Variants in CDH13 observed in about 807,000 individuals in gnomAD.
CDH13 encodes the protein cadherin-13.
A neutral mutation model predicts 63.8 loss-of-function variants in CDH13; 24 were observed. The observed-to-expected ratio is 0.38, with a 90% CI of 0.27 to 0.53. The LOEUF (loss-of-function observed/expected upper bound fraction) is 0.53. Among genes scored for constraint, CDH13 ranks in the 20% least tolerant of loss-of-function variants. CDH13 has a pLI of 0.85. For missense variants in CDH13, 1,049 were observed against 903.1 expected, an observed-to-expected ratio of 1.16 and a Z score of -2.07; for synonymous variants, 503 against 355.3, an observed-to-expected ratio of 1.42 and a Z score of -4.67.
At chr16:82,918,815 A>T (rs2042071702) in intron 2 of CDH13, among the ~76,000 whole-genome samples, 1 of 152,126 alleles carries the variant, frequency 6.6e-6, no homozygotes, top group Admixed American at 6.5e-5. Flanking sequence ...CCTGGCCCAC[A>T]CTGTAACTTT....
chr16:82,943,172 CT>C (rs1332708891), intron 2 of CDH13, among the ~76,000 whole-genome samples: 1 of 152,176 alleles, frequency 6.6e-6, no homozygotes, highest in Non-Finnish European at 1.5e-5. Context: ...CTCCCACTTA[CT>C]GAGCTTCCAT....
chr16:83,383,927 A>G (rs1246432393), intron 6 of CDH13, among the ~76,000 whole-genome samples: 4 of 152,178 alleles, frequency 2.6e-5, no homozygotes, highest in East Asian at 1.9e-4. Flanking sequence ...CAGCAGACAG[A>G]GCAATGATAC....
intron 4 of CDH13, among the ~76,000 whole-genome samples, chr16:83,169,682 A>G (rs1321007168): frequency 1.3e-5 from 2 of 152,012 alleles, no homozygotes; most frequent in Non-Finnish European, 2.9e-5. Flanking sequence ...TATTGTGGAT[A>G]TTAATCTCTT....
Position 83,795,853 on chromosome 16 carries a change from A to C in CDH13, c.*823A>C, listed in dbSNP as rs918364842. On this transcript the variant is annotated 3_prime_UTR_variant, in exon 14 of 14. Transcript: ENST00000567109. ...GTGTCCCGAATCCACAGTCGTACTG[A>C]TTCTAATGGGGACACAGATCATGGT... The C allele has an allele frequency of 2.0e-5, 3 of 152,560 alleles. No homozygotes were observed. Among genetic ancestry groups the C allele is most frequent in the African/African-American group, 4.8e-5 (2 of 41,400 alleles). The allele number at this position is 152,560 out of a possible 1,614,324, so 9.5% of individuals were successfully genotyped here.
At chr16:83,238,310 C>A (rs1447219130) in intron 5 of CDH13, among the ~76,000 whole-genome samples, 4 of 152,264 alleles carry the variant, frequency 2.6e-5, no homozygotes, top group Non-Finnish European at 4.4e-5. Context: ...AACAAAGGCA[C>A]ATCTTACATG....
At chr16:82,842,091 C>CATATAT (rs1186963516) in intron 1 of CDH13, among the ~76,000 whole-genome samples, 6 of 41,684 alleles carry the variant, frequency 1.4e-4, no homozygotes, top group Admixed American at 3.2e-4. Context: ...TTGCATTCTA[C>CATATAT]ATATATATAT....
intron 4 of CDH13, among the ~76,000 whole-genome samples, chr16:83,165,621 T>G (rs1217965352): frequency 2.0e-5 from 3 of 152,002 alleles, no homozygotes; most frequent in Non-Finnish European, 4.4e-5. Context: ...CTGGAATTGA[T>G]GACCTCAGCA....
At chr16:83,375,461 G>A (rs958483083) in intron 6 of CDH13, among the ~76,000 whole-genome samples, 1 of 152,146 alleles carries the variant, frequency 6.6e-6, no homozygotes, top group African/African-American at 2.4e-5. Flanking sequence ...CATCTTATGA[G>A]TATCTGTTGT....
intron 6 of CDH13, among the ~76,000 whole-genome samples, chr16:83,401,895 C>G (rs990084109): frequency 3.9e-5 from 6 of 152,204 alleles, no homozygotes; most frequent in African/African-American, 1.2e-4. Flanking sequence ...TTAATCTGCA[C>G]TGAATATATT....
chr16:83,658,703 T>A (rs1913129714), intron 8 of CDH13, among the ~76,000 whole-genome samples: 1 of 147,886 alleles, frequency 6.8e-6, no homozygotes, highest in African/African-American at 2.5e-5. Flanking sequence ...AGGTCCCATA[T>A]CCTCACCAGC....
intron 3 of CDH13, among the ~76,000 whole-genome samples, chr16:83,083,774 G>A (rs1220264115): frequency 6.6e-6 from 1 of 152,210 alleles, no homozygotes; most frequent in Non-Finnish European, 1.5e-5. Flanking sequence ...CAGCTCACTA[G>A]TTGTTTAACA....
chr16:83,699,983 T>C (rs745693844), intron 10 of CDH13, among the ~76,000 whole-genome samples: 2 of 152,174 alleles, frequency 1.3e-5, no homozygotes, highest in Non-Finnish European at 2.9e-5. Flanking sequence ...TTCTGACATA[T>C]GTGCACTCCC....
At chr16:83,705,629 A>T (rs1432903058) in intron 10 of CDH13, among the ~76,000 whole-genome samples, 1 of 152,220 alleles carries the variant, frequency 6.6e-6, no homozygotes, top group Non-Finnish European at 1.5e-5. Context: ...CTCAAAAGAA[A>T]AGAAAAAGAA....
rs1196838987 is a variant in CDH13, at chr16:83,500,690, A to T, written c.960+14035A>T. 4.7e-5 allele frequency among the ~76,000 whole-genome samples: 7 copies of T among 147,928 alleles called. No individual in the cohort carries two copies. In the Admixed American group the frequency reaches 4.8e-4, roughly 10 times the overall value. ...TGGATTCAAGCAATTCTCGCACCTC[A>T]GCCTCCTGAGTAGCTGGGATTACAG... On this transcript the variant is annotated intron_variant, in intron 7 of 13. Coordinates refer to ENST00000567109, the MANE Select transcript of CDH13 (RefSeq NM_001257.5).
At chr16:83,016,022 C>T (rs983100496) in intron 2 of CDH13, among the ~76,000 whole-genome samples, 2 of 151,930 alleles carry the variant, frequency 1.3e-5, no homozygotes, top group Non-Finnish European at 2.9e-5. Context: ...GTGGAGAAAT[C>T]ACAGAAAAAT....
chr16:82,674,017 G>T (rs1913602127), intron 1 of CDH13, among the ~76,000 whole-genome samples: 1 of 152,196 alleles, frequency 6.6e-6, no homozygotes, highest in African/African-American at 2.4e-5. Flanking sequence ...GTACTCTAGG[G>T]CTCGAAGAAG....
chr16:82,797,572 C>T (rs1422319684), intron 1 of CDH13, among the ~76,000 whole-genome samples: 1 of 152,158 alleles, frequency 6.6e-6, no homozygotes, highest in Non-Finnish European at 1.5e-5. Flanking sequence ...CATGTCAAGA[C>T]TGCTATTTAA....
chr16:83,342,163 C>G (rs982051850), intron 5 of CDH13, among the ~76,000 whole-genome samples: 1 of 152,140 alleles, frequency 6.6e-6, no homozygotes, highest in Non-Finnish European at 1.5e-5. Context: ...TGAGTTTTTT[C>G]ATTTTAATAA....
intron 6 of CDH13, among the ~76,000 whole-genome samples, chr16:83,374,706 C>G (rs1363502302): frequency 6.6e-6 from 1 of 152,194 alleles, no homozygotes; most frequent in African/African-American, 2.4e-5. Context: ...ATTATGAAAG[C>G]ATTAGACTAT....
Sources: gnomAD v4.1 joint callset for allele counts (sites outside exome capture counted in the v4.1 genomes callset) on GRCh38, gnomAD v4.1.1 for gene constraint, MANE v1.5 for transcripts, NCBI Gene and HGNC (gene_info 2026-07-23, HGNC 2026-07-21) for gene names.